Variants in SMIM36 observed in about 807,000 individuals in gnomAD.
The protein encoded by SMIM36 is small integral membrane protein 36.
At chr17:55,465,105 T>C (rs1210910152) in intron 4 of SMIM36, among the ~76,000 whole-genome samples, 1 of 152,222 alleles carries the variant, frequency 6.6e-6, no homozygotes, top group Non-Finnish European at 1.5e-5. Context: ...GTGCTCTGTG[T>C]TGGGCAGACA....
the SMIM36 span, among the ~76,000 whole-genome samples, chr17:55,517,098 A>T: frequency 6.6e-6 from 1 of 152,174 alleles, no homozygotes; most frequent in Non-Finnish European, 1.5e-5. Flanking sequence ...TGCCCTATAT[A>T]ACACTGAATG....
chr17:55,492,033 C>T (rs1189588192), intron 1 of SMIM36, among the ~76,000 whole-genome samples: 1 of 151,660 alleles, frequency 6.6e-6, no homozygotes, highest in Non-Finnish European at 1.5e-5. Flanking sequence ...GTGGCAGGCA[C>T]CTGTAGTCCC....
At chr17:55,466,544 T>G (rs1424247888) in intron 4 of SMIM36, among the ~76,000 whole-genome samples, 3 of 152,210 alleles carry the variant, frequency 2.0e-5, no homozygotes, top group Admixed American at 6.5e-5. Context: ...CCAGACATCA[T>G]ATTCCTTTCC....
intron 1 of SMIM36, among the ~76,000 whole-genome samples, chr17:55,494,253 T>G (rs1909767910): frequency 6.6e-6 from 1 of 151,954 alleles, no homozygotes; most frequent in African/African-American, 2.4e-5. Context: ...GTGCTTAAGA[T>G]CCAGCCAGGA....
At chr17:55,502,135 C>A (rs1348252557) in intron 1 of SMIM36, among the ~76,000 whole-genome samples, 4 of 150,242 alleles carry the variant, frequency 2.7e-5, no homozygotes, top group East Asian at 4.0e-4. Context: ...AAGGCGGCAG[C>A]GAGGCTGGGG....
intron 1 of SMIM36, among the ~76,000 whole-genome samples, chr17:55,491,341 C>T (rs530367917): frequency 7.9e-5 from 12 of 151,140 alleles, no homozygotes; most frequent in African/African-American, 2.7e-4. Context: ...TACTAGAGGT[C>T]ACTTTGAGGA....
chr17:55,528,675 G>C, the SMIM36 span, among the ~76,000 whole-genome samples: 4 of 151,090 alleles, frequency 2.6e-5, no homozygotes, highest in African/African-American at 9.7e-5. Context: ...TCAGCCTCCT[G>C]AGTAGCTGGG....
intron 1 of SMIM36, among the ~76,000 whole-genome samples, chr17:55,499,775 T>C (rs550142801): frequency 5.9e-5 from 9 of 152,308 alleles, no homozygotes; most frequent in South Asian, 2.1e-4. Flanking sequence ...CATAAACCTC[T>C]TGGTTCTAGC....
intron 1 of SMIM36, among the ~76,000 whole-genome samples, chr17:55,486,186 C>A (rs940701012): frequency 1.3e-5 from 2 of 152,038 alleles, no homozygotes; most frequent in Non-Finnish European, 2.9e-5. Context: ...AGGCCCATGC[C>A]ACCATACACA....
chr17:55,527,841 C>T, the SMIM36 span: 1 of 152,226 alleles, frequency 6.6e-6, no homozygotes, highest in East Asian at 1.9e-4. Flanking sequence ...CACCTTGTGT[C>T]TGTCGTCAGA....
intron 3 of SMIM36, 38 bp downstream of exon 3, chr17:55,478,724 T>C (rs1052379692): frequency 1.6e-4 from 24 of 152,154 alleles, no homozygotes; most frequent in African/African-American, 5.8e-4. Flanking sequence ...CTGGTTGAAA[T>C]GGGGTTGGTT....
intron 4 of SMIM36, among the ~76,000 whole-genome samples, chr17:55,452,724 T>G (rs1394599494): frequency 6.6e-6 from 1 of 152,226 alleles, no homozygotes; most frequent in Non-Finnish European, 1.5e-5. Flanking sequence ...AATGTTTGAC[T>G]TTGCTTTCTA....
At chr17:55,456,116 CAAAAAAAAA>C (rs10546288) in intron 4 of SMIM36, among the ~76,000 whole-genome samples, 2,865 of 39,598 alleles carry the variant, frequency 0.072, 104 homozygotes, top group African/African-American at 0.21. Flanking sequence ...AAAACTGTCT[CAAAAAAAAA>C]AAAAAAAAAA....
At chr17:55,507,839 C>T (rs923303789) in intron 1 of SMIM36, among the ~76,000 whole-genome samples, 3 of 152,152 alleles carry the variant, frequency 2.0e-5, no homozygotes, top group Non-Finnish European at 2.9e-5. Context: ...CATCAGCCTG[C>T]GGACTTAAGC....
chr17:55,516,231 A>G (rs1389380094), upstream of SMIM36, among the ~76,000 whole-genome samples: 1 of 152,236 alleles, frequency 6.6e-6, no homozygotes, highest in Non-Finnish European at 1.5e-5. Context: ...TTAAGATGCT[A>G]TGGTGTTGGT....
At chr17:55,516,184 A>C (rs1910273895), upstream of SMIM36, among the ~76,000 whole-genome samples, 1 of 152,250 alleles carries the variant, frequency 6.6e-6, no homozygotes, top group South Asian at 2.1e-4. Flanking sequence ...AAAAACCTAC[A>C]AAACAATGAA....
At chr17:55,512,645 C>T (rs965725917), upstream of SMIM36, among the ~76,000 whole-genome samples, 39 of 152,374 alleles carry the variant, frequency 2.6e-4, no homozygotes, top group African/African-American at 9.4e-4. Flanking sequence ...CACAACGTTC[C>T]ATTCTCAGAA....
intron 1 of SMIM36, among the ~76,000 whole-genome samples, chr17:55,496,550 A>T (rs896830152): frequency 6.6e-6 from 1 of 152,228 alleles, no homozygotes; most frequent in Admixed American, 6.5e-5. Flanking sequence ...ACAGAGGTAG[A>T]TAATAAGTGA....
At chr17:55,475,449 TCTCA>T (rs1909412129) in intron 3 of SMIM36, among the ~76,000 whole-genome samples, 1 of 152,162 alleles carries the variant, frequency 6.6e-6, no homozygotes, top group Admixed American at 6.5e-5. Flanking sequence ...ACACTGTCAA[TCTCA>T]CTCACTCTCT....
Sources: gnomAD v4.1 joint callset for allele counts (sites outside exome capture counted in the v4.1 genomes callset) on GRCh38, gnomAD v4.1.1 for gene constraint, MANE v1.5 for transcripts, NCBI Gene and HGNC (gene_info 2026-07-23, HGNC 2026-07-21) for gene names.